Variants in BRWD1 observed in about 807,000 individuals in gnomAD.
BRWD1 encodes the protein bromodomain and WD repeat-containing protein 1.
A neutral mutation model predicts 251.2 loss-of-function variants in BRWD1; 82 were observed. The observed-to-expected ratio is 0.33, with a 90% confidence interval of 0.27 to 0.39. The LOEUF (loss-of-function observed/expected upper bound fraction) is 0.39. Ranked by LOEUF, BRWD1 falls within the 10% of genes least tolerant of loss-of-function variation. BRWD1 has a pLI of 1.00. For synonymous variants in BRWD1, 918 were observed against 902.8 expected (o/e 1.02, Z -0.30); for missense variants, 2,233 against 2,711.6 (o/e 0.82, Z 3.92).
intron 36 of BRWD1, chr21:39,209,779 T>G (rs539104064): frequency 2.5e-6 from 1 of 401,402 alleles, no homozygotes; most frequent in East Asian, 3.9e-5. Flanking sequence ...TTGAGGAGAT[T>G]ATGATAAACA....
At position 39,195,497 on chromosome 21, in the gene BRWD1, T is replaced by A. The variant is rs1393320063; in HGVS notation, c.*762A>T. The A allele has an allele frequency of 2.0e-6, 2 of 985,158 alleles. No homozygotes were observed. The highest frequency in any genetic ancestry group is 3.5e-5 in the African/African-American group (2 of 57,304). 61.0% of individuals were successfully genotyped at this position (985,158 alleles called of 1,614,324 possible). ...GACAGAAGACAGATTATATAGCATT[T>A]TGTTAGTGCACAATTTAAAAGAAAA... On this transcript the variant is annotated 3_prime_UTR_variant, in exon 41 of 41. Transcript: ENST00000342449.
At position 39,200,242 on chromosome 21, in the gene BRWD1, G is replaced by C; in HGVS notation, c.4730C>G (p.Thr1577Ser). The C allele has an allele frequency of 6.2e-7, 1 of 1,613,352 alleles. No individual in the cohort carries two copies. The highest frequency in any genetic ancestry group is 8.5e-7 in the Non-Finnish European group (1 of 1,179,774). Residue 1577 changes from threonine to serine, a missense_variant, in exon 39 of 41, where the codon ACT (threonine) becomes AGT (serine). By Grantham distance (58) the Thr-to-Ser change is moderately conservative. Coordinates refer to ENST00000342449, the MANE Select transcript of BRWD1 (RefSeq NM_033656.4). ...SRSSNLRVTR[T>S]RAAQRKTGPV... ...ACCAGTTTTTCTTTGAGCAGCTCTA[G>C]TTCTGGTTACCCTGAGATTGCTGCT...
chr21:39,249,522 T>C (rs1037350077), intron 20 of BRWD1, among the ~76,000 whole-genome samples: 10 of 152,000 alleles, frequency 6.6e-5, no homozygotes, highest in African/African-American at 2.4e-4. Flanking sequence ...ATATTGGTTT[T>C]AGTTTTTTTA....
rs138512655 is a variant in BRWD1 at position 39,248,542 on chromosome 21, G to C, written c.2350-710C>G. ...AGTCCCAGCTACTAGGGAGGCTGAG[G>C]GGGGAGGATCACTCAAGCCCAGGAG... On this transcript the variant is annotated intron_variant, in intron 20 of 40. Transcript: ENST00000342449. 2.9e-3 allele frequency among the ~76,000 whole-genome samples: 434 copies of C among 151,454 alleles called. 2 individuals are homozygous for C. Among genetic ancestry groups the C allele is most frequent in the African/African-American group, 1.0e-2 (411 of 41,204 alleles).
chr21:39,314,620 C>T (rs149950466), upstream of BRWD1: 513 of 339,852 alleles, frequency 1.5e-3, 2 homozygotes, highest in African/African-American at 0.01. Flanking sequence ...GTTTCCTCCG[C>T]GCATCCAGCC....
intron 18 of BRWD1, 85 bp downstream of exon 18, chr21:39,258,402 A>G: frequency 8.5e-7 from 1 of 1,176,014 alleles, no homozygotes; most frequent in South Asian, 2.1e-5. Context: ...AGTTTCTCAC[A>G]TTACATGTAC....
chr21:39,208,212 G>T (rs2032497468), intron 36 of BRWD1, among the ~76,000 whole-genome samples: 1 of 152,160 alleles, frequency 6.6e-6, no homozygotes, highest in Non-Finnish European at 1.5e-5. Flanking sequence ...GAACTGTATG[G>T]TATGTGTCCT....
intron 1 of BRWD1, chr21:39,320,878 G>C (rs952283570): frequency 6.6e-6 from 1 of 151,726 alleles, no homozygotes; most frequent in African/African-American, 2.4e-5. Flanking sequence ...ATGTTGGCCA[G>C]GCTGGTCTCG....
Position 39,191,215 on chromosome 21 carries a change from C to T in BRWD1, c.*5044G>A, listed in dbSNP as rs1008068037. 1 of 985,194 alleles carries T rather than the reference C, an allele frequency of 1.0e-6. No homozygotes were observed. Among genetic ancestry groups the T allele is most frequent in the Admixed American group, 6.2e-5 (1 of 16,252 alleles). 61.0% of individuals were successfully genotyped at this position (985,194 alleles called of 1,614,324 possible). Reference sequence around the variant, plus strand: ...CCACAGACAATCCAATGGCAAACCCCTTTTCCAGCAGGGCTCCTGACTCGC... The same window carrying T: ...CCACAGACAATCCAATGGCAAACCCTTTTTCCAGCAGGGCTCCTGACTCGC... On this transcript the variant is annotated 3_prime_UTR_variant, in exon 41 of 41. Coordinates refer to ENST00000342449, the MANE Select transcript of BRWD1 (RefSeq NM_033656.4).
intron 8 of BRWD1, among the ~76,000 whole-genome samples, chr21:39,288,909 T>C (rs1050485698): frequency 5.3e-5 from 8 of 152,146 alleles, no homozygotes; most frequent in African/African-American, 1.9e-4. Flanking sequence ...TATATATAAG[T>C]CGACCCATGC....
intron 31 of BRWD1, chr21:39,217,312 T>A (rs1601301315): frequency 6.6e-6 from 1 of 150,844 alleles, no homozygotes; most frequent in Non-Finnish European, 1.4e-5. Context: ...GCCAGGCTGG[T>A]CTCAAACTCC....
At chr21:39,312,214 C>T (rs572663258) in intron 4 of BRWD1, among the ~76,000 whole-genome samples, 1 of 152,332 alleles carries the variant, frequency 6.6e-6, no homozygotes, top group South Asian at 2.1e-4. Flanking sequence ...ATTTAAAGCA[C>T]TTTATTGTGT....
Position 39,200,302 on chromosome 21 carries a change from G to C in BRWD1, c.4670C>G (p.Ala1557Gly). 1 of 1,614,116 alleles carries C rather than the reference G, an allele frequency of 6.2e-7. No homozygotes were observed. The highest frequency in any genetic ancestry group is 8.5e-7 in the Non-Finnish European group (1 of 1,179,986). Residue 1557 changes from alanine (A) to glycine (G), a missense_variant, in exon 39 of 41, where the codon GCT (alanine) becomes GGT (glycine). By Grantham distance (60) the Ala-to-Gly change is moderately conservative (BLOSUM62 0). This residue lies in a region of BRWD1 where 928 missense variants were observed against 970.0 expected (regional missense o/e 0.96). Coordinates refer to ENST00000342449, the MANE Select transcript of BRWD1 (RefSeq NM_033656.4). The part of the protein sequence containing the change: ...SSEESKESSR[A>G]RESSSRSGLS... ...CCCACTGCGTGAGGAGGATTCACGA[G>C]CTCTGGAACTCTCTTTGCTTTCCTC...
intron 4 of BRWD1, among the ~76,000 whole-genome samples, chr21:39,308,955 C>G (rs2146801080): frequency 6.6e-6 from 1 of 152,232 alleles, no homozygotes; most frequent in South Asian, 2.1e-4. Flanking sequence ...GCGGGCAGGT[C>G]ACAAGGTCAA....
At chr21:39,224,312 T>C (rs1265239585) in intron 29 of BRWD1, 96 bp downstream of exon 29, 2 of 636,086 alleles carry the variant, frequency 3.1e-6, no homozygotes, top group Non-Finnish European at 5.1e-6. Flanking sequence ...TTTGAATATA[T>C]TGATCATAGA....
At chr21:39,299,230 C>T (rs1039596000) in intron 4 of BRWD1, among the ~76,000 whole-genome samples, 12 of 123,572 alleles carry the variant, frequency 9.7e-5, no homozygotes, top group East Asian at 8.4e-4. Context: ...ATACATATTA[C>T]GCTAACTCGC....
In BRWD1 at chr21:39,193,989, T is replaced by C. The variant is rs2031685354; in HGVS notation, c.*2270A>G. 1 of 985,502 alleles carries C rather than the reference T, an allele frequency of 1.0e-6. No individual in the cohort carries two copies. The allele number at this position is 985,502 out of a possible 1,614,324, so 61.0% of individuals were successfully genotyped here. On this transcript the variant is annotated 3_prime_UTR_variant, in exon 41 of 41. Transcript: ENST00000342449. Reference sequence around the variant, plus strand: ...AGTTTTATTTCATAACTTGAGAAGCTACCATTGTCGGCTATGCTTTTAAAG... The same window carrying C: ...AGTTTTATTTCATAACTTGAGAAGCCACCATTGTCGGCTATGCTTTTAAAG...
intron 37 of BRWD1, among the ~76,000 whole-genome samples, chr21:39,205,251 A>G (rs897326533): frequency 6.6e-6 from 1 of 152,176 alleles, no homozygotes; most frequent in Non-Finnish European, 1.5e-5. Context: ...AGGTGGAAGG[A>G]TCTTGATCCC....
rs760665961 is a variant in BRWD1, at chr21:39,258,588, CCATCAAGAA to C, written c.1961_1969del (p.Ile654_Gly657delinsArg). ...CTGCTGCTGCAACTGTCTTATCATTCCATCAAGAATACTCGATTCTGGGCTGCGTTCATC... is the reference window on the plus strand; with the variant it reads ...CTGCTGCTGCAACTGTCTTATCATTCTACTCGATTCTGGGCTGCGTTCATC... On this transcript the variant is annotated inframe_deletion, in exon 18 of 41. Transcript: ENST00000342449. 9.3e-6 allele frequency: 15 copies of C among 1,613,484 alleles called. No individual in the cohort carries two copies. Among genetic ancestry groups the C allele is most frequent in the Non-Finnish European group, 1.3e-5 (15 of 1,179,724 alleles).
Sources: allele counts gnomAD v4.1 joint callset (sites outside exome capture counted in the v4.1 genomes callset), GRCh38; gene constraint gnomAD v4.1.1; regional missense constraint gnomAD v4.1.1; transcripts MANE v1.5; gene names NCBI Gene and HGNC (gene_info 2026-07-23, HGNC 2026-07-21).